The following NRG1 variants were observed in gnomAD, a reference collection of about 807,000 sequenced individuals.
NRG1 encodes the protein neuregulin 1.
NRG1 carries 18 observed loss-of-function variants against 63.8 expected under a neutral mutation model. The observed-to-expected ratio is 0.28, with a 90% confidence interval of 0.19 to 0.42. NRG1 has a LOEUF of 0.42. NRG1 is among the 10% of genes least tolerant of loss of function. NRG1 has a pLI of 1.00. For missense variants in NRG1, 762 were observed against 814.7 expected, an observed-to-expected ratio of 0.94 and a Z score of 0.79; for synonymous variants, 302 against 301.3, an observed-to-expected ratio of 1.00 and a Z score of -0.02.
rs954720518 is a variant in NRG1, at chr8:32,164,691, G to A, written c.38-431137G>A. On this transcript the variant is annotated intron_variant, in intron 1 of 10. Transcript: ENST00000519301. ...AGGAAGGATACTCACAACATAAGTT[G>A]GATAAATTTAGCAATTAAAAAAGCA... is the stretch of plus-strand genomic sequence containing the variant. 5.3e-5 allele frequency among the ~76,000 whole-genome samples: 8 copies of A among 152,166 alleles called. No individual in the cohort carries two copies. The South Asian group carries it at 1.7e-3, about 32-fold the overall frequency.
intron 1 of NRG1, among the ~76,000 whole-genome samples, chr8:32,582,316 T>C (rs1840816328): frequency 6.6e-6 from 1 of 152,094 alleles, no homozygotes; most frequent in Admixed American, 6.6e-5. Context: ...CAGGCTGGTC[T>C]CAAACTCCTG....
intron 1 of NRG1, among the ~76,000 whole-genome samples, chr8:31,684,104 A>G (rs542570154): frequency 6.6e-6 from 1 of 152,268 alleles, no homozygotes; most frequent in East Asian, 1.9e-4. Context: ...AGCAGCATCA[A>G]TACCAACTGG....
intron 1 of NRG1, among the ~76,000 whole-genome samples, chr8:32,480,782 G>A (rs1338469937): frequency 6.6e-6 from 1 of 152,056 alleles, no homozygotes; most frequent in African/African-American, 2.4e-5. Context: ...TTGAGGGGGA[G>A]GTGCCACGCT....
intron 1 of NRG1, among the ~76,000 whole-genome samples, chr8:31,833,336 T>C (rs1024403273): frequency 6.6e-6 from 1 of 152,226 alleles, no homozygotes; most frequent in African/African-American, 2.4e-5. Context: ...GTCCTATCCT[T>C]GTTCAGCTTT....
At chr8:32,500,300 A>T (rs1189026160) in intron 1 of NRG1, among the ~76,000 whole-genome samples, 1 of 152,182 alleles carries the variant, frequency 6.6e-6, no homozygotes, top group Non-Finnish European at 1.5e-5. Flanking sequence ...TATCTGTAAT[A>T]CCTATAGATT....
intron 1 of NRG1, among the ~76,000 whole-genome samples, chr8:32,212,290 G>C (rs768253522): frequency 1.3e-5 from 2 of 152,076 alleles, no homozygotes; most frequent in Non-Finnish European, 2.9e-5. Flanking sequence ...TTAAAATAGC[G>C]TCAGGCAATT....
At chr8:31,879,517 C>T (rs1830183294) in intron 1 of NRG1, among the ~76,000 whole-genome samples, 1 of 152,130 alleles carries the variant, frequency 6.6e-6, no homozygotes, top group Admixed American at 6.5e-5. Context: ...AACTTTGATC[C>T]AGGGTCAGAT....
chr8:31,796,239 T>C (rs1403696296), intron 1 of NRG1, among the ~76,000 whole-genome samples: 6 of 152,030 alleles, frequency 3.9e-5, no homozygotes, highest in African/African-American at 1.4e-4. Flanking sequence ...GCTCAGGCTT[T>C]TATGTGCATA....
At chr8:32,181,121 A>G (rs1841388960) in intron 1 of NRG1, among the ~76,000 whole-genome samples, 1 of 152,188 alleles carries the variant, frequency 6.6e-6, no homozygotes, top group Admixed American at 6.5e-5. Context: ...AGTTTTTCAG[A>G]AAGAAGAAAT....
At chr8:31,665,240 C>T (rs967161705) in intron 1 of NRG1, among the ~76,000 whole-genome samples, 6 of 152,180 alleles carry the variant, frequency 3.9e-5, no homozygotes, top group African/African-American at 1.2e-4. Flanking sequence ...CCCAAACTTC[C>T]TTAACCATTG....
intron 1 of NRG1, among the ~76,000 whole-genome samples, chr8:32,586,519 A>G (rs2129534120): frequency 6.6e-6 from 1 of 152,318 alleles, no homozygotes. Flanking sequence ...ATAGCTCATT[A>G]TAAGAACAAA....
intron 5 of NRG1, among the ~76,000 whole-genome samples, chr8:32,632,676 A>G (rs993491556): frequency 2.6e-5 from 4 of 152,192 alleles, no homozygotes; most frequent in East Asian, 1.9e-4. Context: ...AGAGCCTTGT[A>G]TATTTTCATC....
chr8:32,685,768 T>G (rs910435383), intron 5 of NRG1, among the ~76,000 whole-genome samples: 3 of 152,160 alleles, frequency 2.0e-5, no homozygotes, highest in Admixed American at 1.3e-4. Flanking sequence ...GAGTGGTGCA[T>G]GCAGAAGGCT....
At chr8:32,216,787 C>T (rs1281295368) in intron 1 of NRG1, among the ~76,000 whole-genome samples, 3 of 151,754 alleles carry the variant, frequency 2.0e-5, no homozygotes, top group Admixed American at 1.3e-4. Context: ...AGAACCTTAA[C>T]TAATACATCT....
intron 1 of NRG1, among the ~76,000 whole-genome samples, chr8:31,920,922 A>T (rs1055674495): frequency 6.6e-6 from 1 of 151,128 alleles, no homozygotes; most frequent in Admixed American, 6.6e-5. Flanking sequence ...ATAGATAGAT[A>T]GATATAAAAA....
At chr8:32,422,127 T>C (rs1462759025) in intron 1 of NRG1, among the ~76,000 whole-genome samples, 2 of 152,118 alleles carry the variant, frequency 1.3e-5, no homozygotes, top group Non-Finnish European at 1.5e-5. Flanking sequence ...CTTATACCCA[T>C]AAACTTATAT....
chr8:31,726,189 C>T (rs551424228), intron 1 of NRG1, among the ~76,000 whole-genome samples: 12 of 152,016 alleles, frequency 7.9e-5, no homozygotes, highest in African/African-American at 1.2e-4. Context: ...GTATAGGTGA[C>T]GGCTTCAGCT....
chr8:32,652,578 A>G (rs569285600), intron 5 of NRG1, among the ~76,000 whole-genome samples: 12 of 151,718 alleles, frequency 7.9e-5, no homozygotes, highest in Admixed American at 1.3e-4. Context: ...ATTTCATTGC[A>G]TCATATCAAA....
chr8:32,721,931 G>A, intron 5 of NRG1: 1 of 1,517,250 alleles, frequency 6.6e-7, no homozygotes, highest in East Asian at 2.5e-5. Context: ...ATACCTAATT[G>A]CAAAGGAGCT....
Sources: allele counts gnomAD v4.1 joint callset (sites outside exome capture counted in the v4.1 genomes callset), GRCh38; gene constraint gnomAD v4.1.1; transcripts MANE v1.5; gene names NCBI Gene and HGNC (gene_info 2026-07-23, HGNC 2026-07-21).